The following RBFOX1 variants were observed in gnomAD, a reference collection of about 807,000 sequenced individuals.
RBFOX1 encodes the protein RNA binding fox-1 homolog 1.
RBFOX1 carries 8 observed loss-of-function variants against 57.7 expected under a neutral mutation model. That is an observed-to-expected ratio of 0.14 (90% CI 0.08 to 0.25). The LOEUF is 0.25. RBFOX1 is among the 10% of genes least tolerant of loss of function. The pLI, the probability that RBFOX1 is intolerant of heterozygous loss-of-function variation, is 1.00. For synonymous variants in RBFOX1, 326 were observed against 222.4 expected (o/e 1.47, Z -4.15); for missense variants, 611 against 548.5 (o/e 1.11, Z -1.14).
chr16:6,528,647 C>G (rs1029662376), intron 2 of RBFOX1, among the ~76,000 whole-genome samples: 5 of 152,176 alleles, frequency 3.3e-5, no homozygotes, highest in African/African-American at 1.2e-4. Flanking sequence ...TGGGCAGGGG[C>G]TCATCTTGAT....
chr16:6,560,995 C>G (rs1243149402), intron 2 of RBFOX1, among the ~76,000 whole-genome samples: 1 of 152,180 alleles, frequency 6.6e-6, no homozygotes, highest in Non-Finnish European at 1.5e-5. Context: ...TTGTATCCAT[C>G]CACTTAAAGA....
At chr16:7,300,260 C>T (rs2096000646) in intron 4 of RBFOX1, among the ~76,000 whole-genome samples, 1 of 151,896 alleles carries the variant, frequency 6.6e-6, no homozygotes. Context: ...ATGTCAGGGA[C>T]CTTTGTTTGT....
intron 2 of RBFOX1, among the ~76,000 whole-genome samples, chr16:6,445,711 T>C (rs184029740): frequency 1.3e-5 from 2 of 151,972 alleles, no homozygotes; most frequent in African/African-American, 4.8e-5. Flanking sequence ...GCCTCCCGAG[T>C]AGCTGGGACT....
At chr16:5,565,124 C>A (rs1281285335) in intron 2 of RBFOX1, among the ~76,000 whole-genome samples, 2 of 152,138 alleles carry the variant, frequency 1.3e-5, no homozygotes, top group Non-Finnish European at 2.9e-5. Flanking sequence ...ATGGCTGCAG[C>A]CTCAGTGGGA....
At chr16:6,245,669 C>G (rs189436966) in intron 1 of RBFOX1, among the ~76,000 whole-genome samples, 1 of 152,164 alleles carries the variant, frequency 6.6e-6, no homozygotes, top group Non-Finnish European at 1.5e-5. Context: ...ATTCTCTTAA[C>G]AACTCTTAGT....
At chr16:6,231,334 G>C (rs2097458652) in intron 1 of RBFOX1, among the ~76,000 whole-genome samples, 1 of 151,844 alleles carries the variant, frequency 6.6e-6, no homozygotes, top group South Asian at 2.1e-4. Context: ...TATAAGTGGA[G>C]GTTTCCGTGT....
chr16:6,782,860 G>A (rs2081263279), intron 3 of RBFOX1, among the ~76,000 whole-genome samples: 1 of 152,092 alleles, frequency 6.6e-6, no homozygotes, highest in African/African-American at 2.4e-5. Context: ...TTGTGCTGGG[G>A]TCTGTTTCTC....
intron 4 of RBFOX1, among the ~76,000 whole-genome samples, chr16:7,099,161 C>G (rs2062213133): frequency 6.6e-6 from 1 of 152,104 alleles, no homozygotes; most frequent in African/African-American, 2.4e-5. Flanking sequence ...TTAGTTGTAA[C>G]CATCAATACT....
At chr16:6,241,399 T>A (rs759705081) in intron 1 of RBFOX1, among the ~76,000 whole-genome samples, 25 of 152,184 alleles carry the variant, frequency 1.6e-4, no homozygotes, top group Admixed American at 3.3e-4. Flanking sequence ...AACGTGCTCA[T>A]GGTACTTAAT....
intron 3 of RBFOX1, among the ~76,000 whole-genome samples, chr16:6,763,606 T>G (rs531349390): frequency 6.6e-6 from 1 of 152,332 alleles, no homozygotes; most frequent in African/African-American, 2.4e-5. Flanking sequence ...AACAACCACT[T>G]GCCTTTCCAG....
At chr16:6,629,959 GT>G (rs544517566) in intron 2 of RBFOX1, among the ~76,000 whole-genome samples, 45 of 134,432 alleles carry the variant, frequency 3.3e-4, no homozygotes, top group East Asian at 1.9e-3. Context: ...ATTTCGGTAG[GT>G]TTTTTTTTTT....
At chr16:5,980,336 T>G (rs191215584) in intron 4 of RBFOX1, among the ~76,000 whole-genome samples, 1 of 152,108 alleles carries the variant, frequency 6.6e-6, no homozygotes, top group African/African-American at 2.4e-5. Flanking sequence ...ACGGTATAGA[T>G]GGTAATGACC....
At chr16:7,700,997 A>G (rs1270004230) in intron 14 of RBFOX1, among the ~76,000 whole-genome samples, 1 of 152,172 alleles carries the variant, frequency 6.6e-6, no homozygotes. Flanking sequence ...TGGGCAAAAA[A>G]AAGCAAGTTC....
chr16:7,597,428 A>C lies in RBFOX1; in HGVS notation c.619A>C (p.Asn207His). ...TNKKTVNPYT[N>H]GWKLNPVVGA... ...TAAAAAGACCGTCAACCCTTATACA[A>C]ATGGTAAGTAGAGATTGGCCTTTTA... The change falls in exon 9 of 16, where the codon AAT becomes CAT. Residue 207 changes from asparagine to histidine, a missense_variant. Physicochemically the swap from Asn to His is moderately conservative, Grantham distance 68. Around this residue, in one of 3 missense-constraint regions of RBFOX1, gnomAD observed 99 missense variants for 160.3 expected, o/e 0.62. Coordinates refer to ENST00000550418, the MANE Select transcript of RBFOX1 (RefSeq NM_018723.4). 1 of 1,605,030 alleles carries C rather than the reference A, an allele frequency of 6.2e-7. No homozygotes were observed. The highest frequency in any genetic ancestry group is 8.5e-7 in the Non-Finnish European group (1 of 1,173,374).
intron 1 of RBFOX1, among the ~76,000 whole-genome samples, chr16:6,242,387 T>G (rs1193202595): frequency 1.3e-5 from 2 of 151,922 alleles, no homozygotes; most frequent in Non-Finnish European, 2.9e-5. Flanking sequence ...TTAAAAAAAG[T>G]CTTTATTTTA....
chr16:5,867,400 G>C lies in RBFOX1; in HGVS notation c.351+65G>C, dbSNP rs139499580. 18 of 985,468 alleles carry C rather than the reference G, an allele frequency of 1.8e-5. No homozygotes were observed. In the East Asian group the frequency reaches 5.9e-4, roughly 32 times the overall value. The allele number at this position is 985,468 out of a possible 1,614,324, so 61.0% of individuals were successfully genotyped here. A position where few individuals can be genotyped will look rare whatever the true frequency, so the allele number is the denominator to read the frequency against. On this transcript the variant is annotated intron_variant, in intron 4 of 19. Coordinates refer to the RBFOX1 transcript ENST00000641259. ...TGAAGTGGGTTTCTTTTGTGATGGAGTGTAACGAGCATTCTAGCAATGATT... is the reference window on the plus strand; with the variant it reads ...TGAAGTGGGTTTCTTTTGTGATGGACTGTAACGAGCATTCTAGCAATGATT...
At chr16:5,670,246 C>T (rs2049977940) in intron 3 of RBFOX1, among the ~76,000 whole-genome samples, 2 of 152,234 alleles carry the variant, frequency 1.3e-5, no homozygotes, top group Middle Eastern at 3.4e-3. Context: ...ATGTTCTGGA[C>T]TCAGATAGCG....
intron 3 of RBFOX1, among the ~76,000 whole-genome samples, chr16:7,035,393 TA>T (rs1568467765): frequency 6.6e-6 from 1 of 152,108 alleles, no homozygotes. Context: ...GTTATACACT[TA>T]AATTAAATAA....
At chr16:6,689,865 G>T (rs1398785668) in intron 3 of RBFOX1, among the ~76,000 whole-genome samples, 11 of 152,190 alleles carry the variant, frequency 7.2e-5, no homozygotes, top group Non-Finnish European at 1.5e-4. Flanking sequence ...ATTTGTCTCT[G>T]AATGTGGTTT....
Sources: allele counts gnomAD v4.1 joint callset (sites outside exome capture counted in the v4.1 genomes callset), GRCh38; gene constraint gnomAD v4.1.1; regional missense constraint gnomAD v4.1.1; transcripts MANE v1.5; gene names NCBI Gene and HGNC (gene_info 2026-07-23, HGNC 2026-07-21).